ACVR1B: variants seen among roughly 807,000 people sequenced by gnomAD.
ACVR1B encodes the protein activin A receptor type 1B.
Under a neutral mutation model 55.6 loss-of-function variants are expected in ACVR1B, and 15 were observed. The ratio of observed to expected loss-of-function variants is 0.27; its 90% CI spans 0.18 to 0.42. ACVR1B has a LOEUF of 0.42. Ranked by LOEUF, ACVR1B falls within the 10% of genes least tolerant of loss-of-function variation. The pLI, the probability that ACVR1B is intolerant of heterozygous loss-of-function variation, is 1.00. For missense variants in ACVR1B, 359 were observed against 670.1 expected (o/e 0.54, Z 5.13); for synonymous variants, 247 against 254.6 (o/e 0.97, Z 0.28).
intron 1 of ACVR1B, among the ~76,000 whole-genome samples, chr12:51,955,975 GC>G (rs766713073): frequency 2.6e-5 from 4 of 152,230 alleles, no homozygotes; most frequent in Non-Finnish European, 4.4e-5. Context: ...TTTAACTTGA[GC>G]TTTGGCTTCA....
At chr12:51,975,542 G>A (rs1359183745) in intron 2 of ACVR1B, 38 bp downstream of exon 2, 1 of 1,594,616 alleles carries the variant, frequency 6.3e-7, no homozygotes, top group Non-Finnish European at 8.6e-7. Flanking sequence ...GGCTCAGCTT[G>A]GAGATAGGGT....
chr12:51,973,355 A>C (rs941217514), intron 1 of ACVR1B, among the ~76,000 whole-genome samples: 1 of 152,222 alleles, frequency 6.6e-6, no homozygotes, highest in Non-Finnish European at 1.5e-5. Flanking sequence ...ACATCACAAC[A>C]CAAATATTGA....
intron 3 of ACVR1B, among the ~76,000 whole-genome samples, chr12:51,977,140 A>G (rs1216261857): frequency 6.6e-6 from 1 of 152,184 alleles, no homozygotes; most frequent in Non-Finnish European, 1.5e-5. Context: ...TTGTTGACCA[A>G]GTCTTTCTCA....
At chr12:51,992,560 G>T (rs1340279313) in intron 8 of ACVR1B, among the ~76,000 whole-genome samples, 1 of 152,214 alleles carries the variant, frequency 6.6e-6, no homozygotes, top group Admixed American at 6.5e-5. Flanking sequence ...TGGTCAACAA[G>T]TGACAACTGA....
At position 51,975,718 on chromosome 12, in the gene ACVR1B, G is replaced by A. The variant is rs148759600; in HGVS notation, c.331+214G>A. ...TTTCAAGTTAGTCCCAGAGGTGCCC[G>A]CAGTGTTTAGAGTAGTGGCTTAGCA... On this transcript the variant is annotated intron_variant, in intron 2 of 8. Transcript: ENST00000257963. Among the ~76,000 whole-genome samples, 46 of 152,342 alleles carry A rather than the reference G, an allele frequency of 3.0e-4. No individual in the cohort carries two copies. The East Asian group carries it at 5.6e-3, about 19-fold the overall frequency.
chr12:51,981,489 C>T (rs1316124406), intron 4 of ACVR1B, among the ~76,000 whole-genome samples: 1 of 152,166 alleles, frequency 6.6e-6, no homozygotes, highest in African/African-American at 2.4e-5. Flanking sequence ...TCCCCCAAAC[C>T]CACCTCCATT....
intron 2 of ACVR1B, among the ~76,000 whole-genome samples, chr12:51,975,916 A>C (rs1941841533): frequency 6.6e-6 from 1 of 152,254 alleles, no homozygotes. Flanking sequence ...ACCAAAGCCG[A>C]GAAACACCAC....
rs1005169530 is a variant in ACVR1B at position 51,994,196 on chromosome 12, G to T, written c.*86G>T. On this transcript the variant is annotated 3_prime_UTR_variant, in exon 9 of 9. Coordinates refer to ENST00000257963, the MANE Select transcript of ACVR1B (RefSeq NM_004302.5). The surrounding 1 kb of genome is among the most constrained non-coding windows in gnomAD (Gnocchi z 4.2). ...AGCGTACGATGGAGGCCTACCTCTCGTTTCTGCCCAGCCCTCTGTGGCCAG... is the reference window on the plus strand; with the variant it reads ...AGCGTACGATGGAGGCCTACCTCTCTTTTCTGCCCAGCCCTCTGTGGCCAG... The T allele has an allele frequency of 2.1e-5, 33 of 1,554,348 alleles. 1 individual carries two copies. In the East Asian group the frequency reaches 7.2e-4, roughly 34 times the overall value.
intron 1 of ACVR1B, among the ~76,000 whole-genome samples, chr12:51,957,554 T>A (rs1941438713): frequency 6.6e-6 from 1 of 151,708 alleles, no homozygotes; most frequent in Admixed American, 6.6e-5. Context: ...CACACGCACA[T>A]GCCACCATAC....
chr12:51,973,793 G>C (rs1363129438), intron 1 of ACVR1B, among the ~76,000 whole-genome samples: 1 of 152,148 alleles, frequency 6.6e-6, no homozygotes, highest in Non-Finnish European at 1.5e-5. Flanking sequence ...AAATACAACA[G>C]GCCATAAGTG....
chr12:51,953,287 A>G (rs1251954702), intron 1 of ACVR1B: 1 of 957,690 alleles, frequency 1.0e-6, no homozygotes, highest in Non-Finnish European at 1.2e-6. Flanking sequence ...ACACCATGCC[A>G]CTTTGGAATC....
rs1178287035 is a variant in ACVR1B, at chr12:51,995,173, G to A, written c.*1063G>A. On this transcript the variant is annotated 3_prime_UTR_variant, in exon 9 of 9. Transcript: ENST00000257963. ...TCGAGGAAGGGCCGAGGAATGTGAA[G>A]CCAGATCTCGGGACTCAGATTGGAA... 5 of 152,666 alleles carry A rather than the reference G, an allele frequency of 3.3e-5. No individual in the cohort carries two copies. In the East Asian group the frequency reaches 9.6e-4, roughly 29 times the overall value. The allele number at this position is 152,666 out of a possible 1,614,324, so 9.5% of individuals were successfully genotyped here.
At chr12:51,978,829 CAAAAAAAAA>C (rs34088542) in intron 3 of ACVR1B, among the ~76,000 whole-genome samples, 1,087 of 48,312 alleles carry the variant, frequency 0.022, 32 homozygotes, top group African/African-American at 0.066. Context: ...GACTCCGTCT[CAAAAAAAAA>C]AAAAAAAAAA....
intron 1 of ACVR1B, among the ~76,000 whole-genome samples, chr12:51,972,495 C>G (rs1941764536): frequency 6.6e-6 from 1 of 152,180 alleles, no homozygotes; most frequent in African/African-American, 2.4e-5. Flanking sequence ...GAGGCTACAC[C>G]ACTTAGACTA....
At chr12:51,984,302 A>G (rs1033179463) in intron 5 of ACVR1B, 136 bp downstream of exon 5, 1 of 1,085,444 alleles carries the variant, frequency 9.2e-7, no homozygotes, top group African/African-American at 1.6e-5. Flanking sequence ...ATTTAAAGGA[A>G]AGGAGGTTTG....
intron 1 of ACVR1B, among the ~76,000 whole-genome samples, chr12:51,969,752 G>GATATA (rs1201161954): frequency 1.3e-5 from 2 of 152,140 alleles, no homozygotes; most frequent in Non-Finnish European, 2.9e-5. Flanking sequence ...AGCGTGGTGG[G>GATATA]GTATACTTGT....
intron 3 of ACVR1B, 23 bp downstream of exon 3, chr12:51,976,598 A>G (rs1271590262): frequency 6.2e-7 from 1 of 1,610,156 alleles, no homozygotes. Context: ...TCAGGGCATC[A>G]TGTCTGTGGT....
chr12:51,975,528 T>A, intron 2 of ACVR1B, 24 bp downstream of exon 2: 1 of 1,598,354 alleles, frequency 6.3e-7, no homozygotes, highest in East Asian at 2.3e-5. Context: ...CTTGTTGGGC[T>A]AGTGGCTCAG....
In ACVR1B at chr12:51,953,439, A is replaced by G. The variant is rs147277864; in HGVS notation, c.91+1605A>G. On this transcript the variant is annotated intron_variant, in intron 1 of 8. Transcript: ENST00000257963. ...GGCCTCACTGCTCTGTGGCTTAGGT[A>G]TCTGTGCTGTGGGGTTTGAGAAACA... is the stretch of plus-strand genomic sequence containing the variant. 3.1e-4 allele frequency: 303 copies of G among 985,374 alleles called. No homozygotes were observed. The African/African-American group carries it at 3.6e-3, about 12-fold the overall frequency. The allele number at this position is 985,374 out of a possible 1,614,324, so 61.0% of individuals were successfully genotyped here. A position where few individuals can be genotyped will look rare whatever the true frequency, so the allele number is the denominator to read the frequency against.
Sources: allele counts gnomAD v4.1 joint callset (sites outside exome capture counted in the v4.1 genomes callset), GRCh38; gene constraint gnomAD v4.1.1; non-coding constraint Gnocchi (gnomAD v3.1); transcripts MANE v1.5; gene names NCBI Gene and HGNC (gene_info 2026-07-23, HGNC 2026-07-21).